Variants in TCTN3 observed in about 807,000 individuals in gnomAD.
The protein encoded by TCTN3 is tectonic family member 3, also known as tectonic-3.
A neutral mutation model predicts 71.3 loss-of-function variants in TCTN3; 57 were observed. The observed-to-expected ratio is 0.80, with a 90% CI of 0.65 to 1.00. The LOEUF (loss-of-function observed/expected upper bound fraction) is 1.00, where lower values mean the gene tolerates loss of function less well. Ranked by LOEUF, TCTN3 falls within the 50% of genes least tolerant of loss-of-function variation. The pLI is 0.00. For synonymous variants in TCTN3, 258 were observed against 267.8 expected (o/e 0.96, Z 0.36); for missense variants, 696 against 719.9 (o/e 0.97, Z 0.38).
chr10:95,679,219 T>C (rs189719784), intron 13 of TCTN3, among the ~76,000 whole-genome samples: 8 of 152,270 alleles, frequency 5.3e-5, no homozygotes, highest in African/African-American at 1.9e-4. Context: ...AAAAAGGCAC[T>C]GAGTGACTTC....
At chr10:95,665,881 G>C (rs1486830655) in intron 13 of TCTN3, among the ~76,000 whole-genome samples, 1 of 151,436 alleles carries the variant, frequency 6.6e-6, no homozygotes, top group East Asian at 1.9e-4. Flanking sequence ...GCTTCCCAAA[G>C]TTTGTTTTTA....
At chr10:95,682,964 T>C in intron 11 of TCTN3, 137 bp downstream of exon 11, 1 of 1,222,502 alleles carries the variant, frequency 8.2e-7, no homozygotes, top group South Asian at 1.5e-5. Flanking sequence ...CTTAGCAATA[T>C]CAACACTATT....
chr10:95,682,062 G>GC (rs1448245326), intron 12 of TCTN3, among the ~76,000 whole-genome samples: 1 of 152,032 alleles, frequency 6.6e-6, no homozygotes, highest in Non-Finnish European at 1.5e-5. Flanking sequence ...AGGCATGCTG[G>GC]CATGTGCCTG....
chr10:95,670,550 T>C (rs1291944102), intron 13 of TCTN3, among the ~76,000 whole-genome samples: 4 of 151,674 alleles, frequency 2.6e-5, no homozygotes, highest in Admixed American at 6.6e-5. Flanking sequence ...TTTTTTTTAG[T>C]AGAGATGGGG....
Position 95,682,768 on chromosome 10 carries a change from C to CT in TCTN3, c.1334dup (p.Ile446AspfsTer19). The stretch of plus-strand genomic sequence containing the variant: ...GCCTTCCATGAAGAGTCTGATAAAT[C>CT]TCCTGCTGCAAGTGGCTGCAGTCTG... On this transcript the variant is annotated frameshift_variant, in exon 12 of 14. Transcript: ENST00000371217. LOFTEE classifies it high-confidence loss of function. The CT allele has an allele frequency of 6.2e-7, 1 of 1,614,086 alleles. No homozygotes were observed. The highest frequency in any genetic ancestry group is 8.5e-7 in the Non-Finnish European group (1 of 1,179,992).
chr10:95,665,113 ATTGT>A lies in TCTN3; in HGVS notation c.1591-817_1591-814del, dbSNP rs201701712. 3.1e-3 allele frequency among the ~76,000 whole-genome samples: 468 copies of A among 152,108 alleles called. 5 individuals are homozygous for A. The East Asian group carries it at 0.034, about 11-fold the overall frequency. ...TAACTCTCCTAGGGACTGTCACTTGATTGTTTGTTTTTAGAGACAGGGTCTTGCT... is the reference window on the plus strand; with the variant it reads ...TAACTCTCCTAGGGACTGTCACTTGATTGTTTTTAGAGACAGGGTCTTGCT... On this transcript the variant is annotated intron_variant, in intron 13 of 13. Coordinates refer to ENST00000371217, the MANE Select transcript of TCTN3 (RefSeq NM_015631.6).
At chr10:95,679,067 A>C (rs560499355) in intron 13 of TCTN3, among the ~76,000 whole-genome samples, 2 of 152,344 alleles carry the variant, frequency 1.3e-5, no homozygotes, top group African/African-American at 4.8e-5. Context: ...AATGAAGCAC[A>C]GCTAAAATTC....
intron 3 of TCTN3, among the ~76,000 whole-genome samples, chr10:95,691,392 G>C (rs2139759658): frequency 6.6e-6 from 1 of 152,178 alleles, no homozygotes; most frequent in East Asian, 1.9e-4. Context: ...GACCTCAAGT[G>C]ATCTGCCCAC....
intron 12 of TCTN3, 126 bp from the exon 13 acceptor site, chr10:95,680,735 A>G (rs2097942198): frequency 2.7e-6 from 3 of 1,107,360 alleles, no homozygotes; most frequent in Non-Finnish European, 3.8e-6. Context: ...GCTTAGTGGA[A>G]GAACACAAAA....
At chr10:95,689,432 A>AAG (rs1417030976) in intron 3 of TCTN3, among the ~76,000 whole-genome samples, 4 of 152,188 alleles carry the variant, frequency 2.6e-5, no homozygotes, top group Non-Finnish European at 5.9e-5. Context: ...AGAGCTATTT[A>AAG]AACATTTCCT....
At chr10:95,693,324 T>C (rs1033945648) in intron 2 of TCTN3, 29 bp downstream of exon 2, 3 of 1,551,508 alleles carry the variant, frequency 1.9e-6, no homozygotes, top group Admixed American at 3.9e-5. Context: ...CAAACCCCTT[T>C]AGGATTCAGT....
rs1273908252 is a variant in TCTN3 at position 95,683,570 on chromosome 10, A to G, written c.1155T>C (p.Tyr385=). 3 of 1,614,054 alleles carry G rather than the reference A, an allele frequency of 1.9e-6. No homozygotes were observed. The highest frequency in any genetic ancestry group is 1.7e-5 in the Admixed American group (1 of 60,004). The change falls in exon 10 of 14, where the codon TAT becomes TAC. Residue 385 remains tyrosine, a synonymous_variant. Transcript: ENST00000371217. ...LTSPRSGNPG[Y]IVGKPLLALT... ...GAGCCAAGAGTGGCTTCCCAACTAT[A>G]TAGCCAGGATTCCCACTTCTAGGAC...
At chr10:95,687,382 T>C in intron 4 of TCTN3, 27 bp from the exon 5 acceptor site, 1 of 1,580,198 alleles carries the variant, frequency 6.3e-7, no homozygotes, top group Non-Finnish European at 8.6e-7. Flanking sequence ...AGAAACTTTG[T>C]TCACAGTGAG....
At chr10:95,674,690 C>G (rs918321197) in intron 13 of TCTN3, among the ~76,000 whole-genome samples, 44 of 152,120 alleles carry the variant, frequency 2.9e-4, no homozygotes, top group African/African-American at 1.1e-3. Flanking sequence ...TAAACTGTAT[C>G]TGTATGTTAT....
intron 13 of TCTN3, among the ~76,000 whole-genome samples, chr10:95,677,106 G>C (rs2097937854): frequency 6.6e-6 from 1 of 152,118 alleles, no homozygotes; most frequent in Admixed American, 6.6e-5. Flanking sequence ...CCATGATCCT[G>C]TGATGCTACA....
intron 13 of TCTN3, among the ~76,000 whole-genome samples, chr10:95,666,240 CTT>C (rs35125356): frequency 3.8e-4 from 53 of 138,126 alleles, no homozygotes; most frequent in Non-Finnish European, 2.9e-4. Context: ...CATGCCCAGC[CTT>C]TTTTTTTTTT....
chr10:95,668,255 C>CAAAAAAAAAAAAAAAAAAAAAAAA (rs374400684), intron 13 of TCTN3, among the ~76,000 whole-genome samples: 1 of 120,138 alleles, frequency 8.3e-6, no homozygotes. Flanking sequence ...ATAGGAGTGC[C>CAAAAAAAAAAAAAAAAAAAAAAAA]AAAAAAAAAA....
At chr10:95,688,709 A>G (rs769202303) in intron 3 of TCTN3, among the ~76,000 whole-genome samples, 2 of 152,166 alleles carry the variant, frequency 1.3e-5, no homozygotes, top group Non-Finnish European at 2.9e-5. Flanking sequence ...GATACTTCAA[A>G]AGGGTATTTT....
chr10:95,686,140 A>C (rs922804099), intron 7 of TCTN3, among the ~76,000 whole-genome samples: 7 of 152,230 alleles, frequency 4.6e-5, no homozygotes, highest in Non-Finnish European at 7.3e-5. Flanking sequence ...AGGTAGAAGG[A>C]TTAGTTGAGC....
Sources: allele counts gnomAD v4.1 joint callset (sites outside exome capture counted in the v4.1 genomes callset), GRCh38; gene constraint gnomAD v4.1.1; transcripts MANE v1.5; gene names NCBI Gene and HGNC (gene_info 2026-07-23, HGNC 2026-07-21).